ELK3: variants seen among roughly 807,000 people sequenced by gnomAD.
ELK3 encodes ETS domain-containing protein Elk-3.
In ELK3, 10 loss-of-function variants were observed where a neutral mutation model predicts 28.9. That is an observed-to-expected ratio of 0.35 (90% confidence interval 0.21 to 0.59). The LOEUF (loss-of-function observed/expected upper bound fraction) is 0.59, where lower values mean the gene tolerates loss of function less well. Among genes scored for constraint, ELK3 ranks in the 20% least tolerant of loss-of-function variants. The pLI is 0.82. For synonymous variants in ELK3, 272 were observed against 243.5 expected (o/e 1.12, Z -1.09); for missense variants, 463 against 517.3 (o/e 0.90, Z 1.02).
rs1177830765 is a variant in ELK3 at position 96,259,831 on chromosome 12, A to G, written c.1103A>G (p.Gln368Arg). 6.2e-7 allele frequency: 1 copy of G among 1,606,298 alleles called. No individual in the cohort carries two copies. ...GCTCCGCTGAGTCCTGCCAGGCTGC[A>G]AGGGCCAAGCACGCTGTTCCAGGTG... ...PVAPLSPARL[Q>R]GPSTLFQFPT... The change falls in exon 4 of 5, where the codon CAA (glutamine) becomes CGA (arginine). Residue 368 changes from glutamine to arginine, a missense_variant. By Grantham distance (43) the Gln-to-Arg change is conservative. Transcript: ENST00000228741.
chr12:96,247,828 A>T lies in ELK3; in HGVS notation c.1002+94A>T. ...AAAGAGACTTCCTTCTGTCCCTCAA[A>T]ACGTTGTCCTATGACTCGTACCGAG... On this transcript the variant is annotated intron_variant, in intron 3 of 4. Transcript: ENST00000228741. The surrounding 1 kb of genome is among the most constrained non-coding windows in gnomAD (Gnocchi z 5.5). 1 of 1,372,546 alleles carries T rather than the reference A, an allele frequency of 7.3e-7. No homozygotes were observed. The highest frequency in any genetic ancestry group is 9.6e-7 in the Non-Finnish European group (1 of 1,041,394). 85.0% of individuals were successfully genotyped at this position (1,372,546 alleles called of 1,614,324 possible). A position where few individuals can be genotyped will look rare whatever the true frequency, so the allele number is the denominator to read the frequency against.
intron 3 of ELK3, among the ~76,000 whole-genome samples, chr12:96,248,005 T>G (rs984061689): frequency 6.6e-6 from 1 of 152,174 alleles, no homozygotes; most frequent in Non-Finnish European, 1.5e-5. Flanking sequence ...ACACGCACAC[T>G]GGCCGACAAA....
chr12:96,262,017 C>CTT (rs57348208), intron 4 of ELK3, among the ~76,000 whole-genome samples: 8 of 115,616 alleles, frequency 6.9e-5, no homozygotes, highest in South Asian at 3.0e-4. Context: ...CTGATAAAAA[C>CTT]TTTTTTTTTT....
chr12:96,259,786 G>C lies in ELK3; in HGVS notation c.1058G>C (p.Trp353Ser). The part of the protein sequence containing the change: ...PSPLLSSIHF[W>S]SSLSPVAPLS... ...CCACTGCTCTCCAGCATACATTTCT[G>C]GAGCAGCCTTAGTCCAGTTGCTCCG... The change falls in exon 4 of 5, where the codon TGG (tryptophan) becomes TCG (serine). Residue 353 changes from tryptophan to serine, a missense_variant. Transcript: ENST00000228741. 1 of 1,611,392 alleles carries C rather than the reference G, an allele frequency of 6.2e-7. No individual in the cohort carries two copies. Among genetic ancestry groups the C allele is most frequent in the South Asian group, 1.1e-5 (1 of 90,850 alleles).
intron 1 of ELK3, among the ~76,000 whole-genome samples, chr12:96,195,904 C>T (rs1203903526): frequency 6.7e-6 from 1 of 148,402 alleles, no homozygotes; most frequent in Non-Finnish European, 1.5e-5. Flanking sequence ...CACCCTCCCT[C>T]ATTTGAAAGC....
At chr12:96,215,489 C>T (rs975891737) in intron 1 of ELK3, among the ~76,000 whole-genome samples, 7 of 152,078 alleles carry the variant, frequency 4.6e-5, no homozygotes, top group Non-Finnish European at 5.9e-5. Context: ...ACAGCTCTCA[C>T]GTAGGCGGAG....
Position 96,267,267 on chromosome 12 carries a change from T to A in ELK3, c.*87T>A. Reference sequence around the variant, plus strand: ...GTTTACCTGTGTCGTGAGAAGGACATTGTGAAACTCTTGTTAATTTGGTTT... The same window carrying A: ...GTTTACCTGTGTCGTGAGAAGGACAATGTGAAACTCTTGTTAATTTGGTTT... On this transcript the variant is annotated 3_prime_UTR_variant, in exon 5 of 5. Transcript: ENST00000228741. 8.9e-7 allele frequency: 1 copy of A among 1,121,580 alleles called. No homozygotes were observed. Among genetic ancestry groups the A allele is most frequent in the South Asian group, 1.6e-5 (1 of 64,032 alleles). The allele number at this position is 1,121,580 out of a possible 1,614,324, so 69.5% of individuals were successfully genotyped here.
intron 2 of ELK3, among the ~76,000 whole-genome samples, chr12:96,241,305 A>G (rs1339046177): frequency 1.3e-5 from 2 of 152,166 alleles, no homozygotes; most frequent in African/African-American, 4.8e-5. Flanking sequence ...GCATCTTTTC[A>G]TTACCTAGCA....
At chr12:96,221,350 G>A (rs1414518231) in intron 1 of ELK3, among the ~76,000 whole-genome samples, 1 of 152,230 alleles carries the variant, frequency 6.6e-6, no homozygotes, top group Non-Finnish European at 1.5e-5. Context: ...TGTTTCTGCT[G>A]CCCTCCTGTC....
At chr12:96,219,815 G>C (rs1034917378) in intron 1 of ELK3, among the ~76,000 whole-genome samples, 32 of 152,296 alleles carry the variant, frequency 2.1e-4, no homozygotes, top group African/African-American at 7.5e-4. Flanking sequence ...GTAATGTCTG[G>C]CTGCGATTTC....
chr12:96,221,361 C>G (rs1951660283), intron 1 of ELK3, among the ~76,000 whole-genome samples: 1 of 152,152 alleles, frequency 6.6e-6, no homozygotes, highest in Admixed American at 6.6e-5. Flanking sequence ...CCCTCCTGTC[C>G]CATTCGGAAC....
In ELK3 at chr12:96,205,152, C is replaced by T. The variant is rs138186960; in HGVS notation, c.-3+10447C>T. Among the ~76,000 whole-genome samples, 469 of 152,332 alleles carry T rather than the reference C, an allele frequency of 3.1e-3. 5 individuals are homozygous for T. Among genetic ancestry groups the T allele is most frequent in the African/African-American group, 0.011 (453 of 41,566 alleles). On this transcript the variant is annotated intron_variant, in intron 1 of 4. Transcript: ENST00000228741. ...TGAATGTTTACTAACCGTCTCCACC[C>T]TTGAAGAATCATTGTTTCACAACGA...
At chr12:96,238,580 C>T (rs1951799102) in intron 2 of ELK3, among the ~76,000 whole-genome samples, 1 of 152,184 alleles carries the variant, frequency 6.6e-6, no homozygotes, top group Admixed American at 6.5e-5. Flanking sequence ...TTTCCTGTCA[C>T]CCTCGTCCCT....
chr12:96,241,458 G>GTT (rs1167947294), intron 2 of ELK3, among the ~76,000 whole-genome samples: 1 of 151,560 alleles, frequency 6.6e-6, no homozygotes, highest in East Asian at 1.9e-4. Flanking sequence ...GTGTGTGTGT[G>GTT]TACATATGTA....
chr12:96,213,968 CCCT>C (rs143678662), intron 1 of ELK3: 25,731 of 152,028 alleles, frequency 0.17, 2,339 homozygotes, highest in African/African-American at 0.21. Flanking sequence ...AAACTGTCCT[CCCT>C]CCTCGGTCTC....
chr12:96,259,554 G>T (rs1951977617), intron 3 of ELK3, among the ~76,000 whole-genome samples, 177 bp from the exon 4 acceptor site: 2 of 152,214 alleles, frequency 1.3e-5, no homozygotes, highest in Middle Eastern at 3.4e-3. Flanking sequence ...CAAAAGAAAA[G>T]AAAATTAAAA....
chr12:96,257,383 G>A (rs919427592), intron 3 of ELK3, among the ~76,000 whole-genome samples: 10 of 152,212 alleles, frequency 6.6e-5, no homozygotes, highest in African/African-American at 2.4e-4. Flanking sequence ...TATTAAAGAT[G>A]AGAAACAAGA....
chr12:96,233,837 G>A (rs1190938916), intron 2 of ELK3, among the ~76,000 whole-genome samples: 1 of 152,206 alleles, frequency 6.6e-6, no homozygotes, highest in Non-Finnish European at 1.5e-5. Context: ...GTGTTTTATC[G>A]ATCGAGGGGG....
chr12:96,261,147 C>A (rs1031260512), intron 4 of ELK3, among the ~76,000 whole-genome samples: 1 of 152,290 alleles, frequency 6.6e-6, no homozygotes, highest in East Asian at 1.9e-4. Context: ...GTGCCAGGAG[C>A]TGTACATGCT....
Sources: gnomAD v4.1 joint callset for allele counts (sites outside exome capture counted in the v4.1 genomes callset) on GRCh38, gnomAD v4.1.1 for gene constraint, Gnocchi (gnomAD v3.1) non-coding constraint, MANE v1.5 for transcripts, NCBI Gene and HGNC (gene_info 2026-07-23, HGNC 2026-07-21) for gene names.